The following RAP1GAP2 variants were observed in gnomAD, a reference collection of about 807,000 sequenced individuals.
RAP1GAP2 encodes RAP1 GTPase activating protein 2, also known as rap1 GTPase-activating protein 2.
A neutral mutation model predicts 95.0 loss-of-function variants in RAP1GAP2; 27 were observed. The ratio of observed to expected loss-of-function variants is 0.28; its 90% CI spans 0.21 to 0.39. The LOEUF (loss-of-function observed/expected upper bound fraction) is 0.39. RAP1GAP2 is among the 10% of genes least tolerant of loss of function. RAP1GAP2 has a pLI of 1.00. For missense variants in RAP1GAP2, 771 were observed against 970.0 expected (o/e 0.79, Z 2.72); for synonymous variants, 373 against 380.9 (o/e 0.98, Z 0.24).
At chr17:2,865,825 G>A in intron 2 of RAP1GAP2, among the ~76,000 whole-genome samples, 1 of 152,144 alleles carries the variant, frequency 6.6e-6, no homozygotes, top group East Asian at 1.9e-4. Context: ...CCCCCTTCTA[G>A]AAAGGGCTGC....
At chr17:2,791,279 G>A (rs971417750) in intron 1 of RAP1GAP2, among the ~76,000 whole-genome samples, 1 of 152,160 alleles carries the variant, frequency 6.6e-6, no homozygotes, top group African/African-American at 2.4e-5. Context: ...GACTCTGGCT[G>A]GGACTTTGCC....
chr17:2,922,839 T>G (rs938311774), intron 3 of RAP1GAP2, among the ~76,000 whole-genome samples: 8 of 150,914 alleles, frequency 5.3e-5, no homozygotes, highest in African/African-American at 1.2e-4. Context: ...TTTGTTTTTT[T>G]TTTTTTTTTT....
At chr17:2,931,748 G>T (rs2043164136) in intron 3 of RAP1GAP2, among the ~76,000 whole-genome samples, 1 of 152,218 alleles carries the variant, frequency 6.6e-6, no homozygotes, top group Non-Finnish European at 1.5e-5. Context: ...CATGCAATTT[G>T]CAGATGTCCC....
At chr17:2,814,222 C>G (rs1418013946) in intron 2 of RAP1GAP2, among the ~76,000 whole-genome samples, 2 of 152,148 alleles carry the variant, frequency 1.3e-5, no homozygotes, top group Admixed American at 6.6e-5. Context: ...GCTGGGTGAC[C>G]TTGGACAAGT....
chr17:2,790,187 A>C lies in RAP1GAP2; in HGVS notation c.-13-10328A>C, dbSNP rs181214984. On this transcript the variant is annotated intron_variant, in intron 1 of 24. Coordinates refer to the RAP1GAP2 transcript ENST00000540393. ...GAGTGCAGCGGCATGATCTCAGCTCACTGCAACCTCCACCTCCTGGGTTCA... is the reference window on the plus strand; with the variant it reads ...GAGTGCAGCGGCATGATCTCAGCTCCCTGCAACCTCCACCTCCTGGGTTCA... Among the ~76,000 whole-genome samples the C allele has an allele frequency of 4.5e-3, 678 of 151,232 alleles. 2 individuals carry two copies. Among genetic ancestry groups the C allele is most frequent in the Admixed American group, 7.5e-3 (114 of 15,166 alleles).
chr17:2,980,954 A>G (rs1046606086), intron 9 of RAP1GAP2, among the ~76,000 whole-genome samples: 1 of 152,184 alleles, frequency 6.6e-6, no homozygotes, highest in African/African-American at 2.4e-5. Flanking sequence ...CCTTGTCTTC[A>G]GGCCAGAACG....
At chr17:2,826,501 C>T (rs898774338) in intron 2 of RAP1GAP2, among the ~76,000 whole-genome samples, 3 of 151,814 alleles carry the variant, frequency 2.0e-5, no homozygotes, top group Non-Finnish European at 4.4e-5. Flanking sequence ...CCTGGAAGAG[C>T]GGGATGGGGG....
chr17:2,815,142 C>T (rs1440810726), intron 2 of RAP1GAP2, among the ~76,000 whole-genome samples: 1 of 152,072 alleles, frequency 6.6e-6, no homozygotes, highest in Admixed American at 6.6e-5. Context: ...CTGGGTGGGG[C>T]CCAGGAAACC....
intron 3 of RAP1GAP2, among the ~76,000 whole-genome samples, chr17:2,932,271 A>T (rs911447271): frequency 6.6e-6 from 1 of 151,978 alleles, no homozygotes; most frequent in African/African-American, 2.4e-5. Flanking sequence ...TCTAGGCAGG[A>T]GCGTGTGGGA....
chr17:2,974,780 GA>G (rs1419742434), intron 8 of RAP1GAP2, among the ~76,000 whole-genome samples: 2 of 151,950 alleles, frequency 1.3e-5, no homozygotes, highest in Non-Finnish European at 2.9e-5. Context: ...AGGTGTATTG[GA>G]AGATACAGAA....
At chr17:2,952,971 A>G (rs111337335) in intron 3 of RAP1GAP2, among the ~76,000 whole-genome samples, 17,403 of 151,176 alleles carry the variant, frequency 0.12, 1,371 homozygotes, top group Admixed American at 0.18. Flanking sequence ...CACCCAGCTA[A>G]TTTTTGTTAT....
intron 3 of RAP1GAP2, among the ~76,000 whole-genome samples, chr17:2,935,734 C>G (rs1176471370): frequency 1.3e-5 from 2 of 152,200 alleles, no homozygotes; most frequent in Admixed American, 6.5e-5. Flanking sequence ...GGATGGGGAT[C>G]ATTACTCCAG....
At chr17:2,832,394 T>TA (rs996443100) in intron 2 of RAP1GAP2, among the ~76,000 whole-genome samples, 26 of 149,184 alleles carry the variant, frequency 1.7e-4, no homozygotes, top group African/African-American at 6.4e-4. Context: ...CCATCTCTAC[T>TA]AAAAATACAA....
chr17:2,899,274 G>A (rs768972670), intron 2 of RAP1GAP2, among the ~76,000 whole-genome samples: 2 of 152,020 alleles, frequency 1.3e-5, no homozygotes, highest in Non-Finnish European at 2.9e-5. Context: ...GAGCGATCTC[G>A]GCTCACTGCA....
intron 3 of RAP1GAP2, among the ~76,000 whole-genome samples, chr17:2,941,046 G>A (rs940414218): frequency 2.0e-5 from 3 of 152,192 alleles, no homozygotes; most frequent in Admixed American, 6.5e-5. Flanking sequence ...CTGGCAGGGT[G>A]TGGGTAGTGG....
At chr17:2,946,220 C>T (rs974721807) in intron 3 of RAP1GAP2, among the ~76,000 whole-genome samples, 1 of 152,194 alleles carries the variant, frequency 6.6e-6, no homozygotes, top group Non-Finnish European at 1.5e-5. Flanking sequence ...TGACTCTATC[C>T]ATAAAGATAC....
chr17:2,885,999 C>A (rs1332136387), intron 2 of RAP1GAP2, among the ~76,000 whole-genome samples: 1 of 152,148 alleles, frequency 6.6e-6, no homozygotes, highest in Non-Finnish European at 1.5e-5. Flanking sequence ...GGTTTGCCCC[C>A]TGGGGCCTCC....
rs71150901 is a variant in RAP1GAP2 at position 2,826,147 on chromosome 17, ATTTTT to A, written c.80+25614_80+25618del. Among the ~76,000 whole-genome samples the A allele has an allele frequency of 7.0e-4, 76 of 108,862 alleles. 1 individual carries two copies. The East Asian group carries it at 0.01, about 14-fold the overall frequency. 71.4% of individuals were successfully genotyped at this position (108,862 alleles called of 152,430 possible). On this transcript the variant is annotated intron_variant, in intron 2 of 24. Transcript: ENST00000254695. ...AGGCACCCACCACCACGCCCAGCAA[ATTTTT>A]TTTTTTTTTTTTTTTTGTATTTTTA...
rs1597658527 is a variant in RAP1GAP2 at position 2,936,556 on chromosome 17, A to G, written c.166-21203A>G. On this transcript the variant is annotated intron_variant, in intron 3 of 24. Transcript: ENST00000254695. ...GGCTTTGCTAGTAACAGGCTGTGTG[A>G]CCTTCAGCAGGCCAGTTAACCTCTC... 5.3e-5 allele frequency among the ~76,000 whole-genome samples: 8 copies of G among 151,652 alleles called. No individual in the cohort carries two copies. The South Asian group carries it at 1.5e-3, about 28-fold the overall frequency.
Sources: allele counts gnomAD v4.1 joint callset (sites outside exome capture counted in the v4.1 genomes callset), GRCh38; gene constraint gnomAD v4.1.1; transcripts MANE v1.5; gene names NCBI Gene and HGNC (gene_info 2026-07-23, HGNC 2026-07-21).